The following PHKA1 variants were observed in gnomAD, a reference collection of about 807,000 sequenced individuals.
PHKA1 encodes phosphorylase kinase regulatory subunit alpha 1.
A neutral mutation model predicts 110.2 loss-of-function variants in PHKA1; 60 were observed. The ratio of observed to expected loss-of-function variants is 0.54; its 90% confidence interval spans 0.44 to 0.68. The LOEUF (loss-of-function observed/expected upper bound fraction) is 0.68, where lower values mean the gene tolerates loss of function less well. Among genes scored for constraint, PHKA1 ranks in the 30% least tolerant of loss-of-function variants. The probability of loss-of-function intolerance (pLI) is 0.00; values close to 1 mark genes in which losing one functional copy is unlikely to be tolerated. For synonymous variants in PHKA1, 316 were observed against 333.6 expected, an observed-to-expected ratio of 0.95 and a Z score of 0.58; for missense variants, 801 against 942.5, an observed-to-expected ratio of 0.85 and a Z score of 1.97.
chrX:72,609,179 T>C (rs972029707), intron 23 of PHKA1, among the ~76,000 whole-genome samples: 2 of 111,962 alleles, frequency 1.8e-5, no homozygotes, highest in Admixed American at 1.9e-4. Context: ...GGCACTCTGA[T>C]TACAGGGTTC....
At chrX:72,594,281 A>T (rs2052561894) in intron 28 of PHKA1, among the ~76,000 whole-genome samples, 1 of 109,087 alleles carries the variant, frequency 9.2e-6, no homozygotes. Flanking sequence ...GAAAGCAAGC[A>T]GAAGGAAGGA....
intron 3 of PHKA1, among the ~76,000 whole-genome samples, chrX:72,701,853 G>A (rs2054209513): frequency 8.9e-6 from 1 of 112,068 alleles, no homozygotes; most frequent in Admixed American, 9.5e-5. Context: ...AAGCAAACCA[G>A]TCCTACCATG....
chrX:72,648,439 G>A (rs1556297800), intron 13 of PHKA1, among the ~76,000 whole-genome samples: 1 of 111,400 alleles, frequency 9.0e-6, no homozygotes, highest in Non-Finnish European at 1.9e-5. Flanking sequence ...AAACAGAGAA[G>A]GTGTGGAATA....
At chrX:72,586,183 C>T (rs1299110854) in intron 29 of PHKA1, among the ~76,000 whole-genome samples, 1 of 111,752 alleles carries the variant, frequency 8.9e-6, no homozygotes. Context: ...GGCTGAATGA[C>T]ACCACATACA....
intron 14 of PHKA1, among the ~76,000 whole-genome samples, chrX:72,643,466 C>T (rs1008865756): frequency 3.6e-5 from 4 of 111,696 alleles, no homozygotes; most frequent in Non-Finnish European, 7.5e-5. Context: ...CATCATGAGT[C>T]CAAAATGAGC....
chrX:72,604,791 C>T (rs1486233404), intron 25 of PHKA1, among the ~76,000 whole-genome samples: 1 of 111,721 alleles, frequency 9.0e-6, no homozygotes, highest in Non-Finnish European at 1.9e-5. Context: ...TTGCCAAATA[C>T]ACCTATAGTT....
At chrX:72,708,649 G>A (rs1343252587) in intron 2 of PHKA1, among the ~76,000 whole-genome samples, 1 of 111,888 alleles carries the variant, frequency 8.9e-6, no homozygotes, top group Admixed American at 9.5e-5. Flanking sequence ...GAAATTATAT[G>A]AATCAACAGA....
chrX:72,620,610 G>A lies in PHKA1; in HGVS notation c.2137+115C>T, dbSNP rs1016690101. On this transcript the variant is annotated intron_variant, in intron 19 of 31. Transcript: ENST00000373542. ...TTCTAGGTGCTGTCTGAGATGCGGG[G>A]GATAAAGCAGTGAAGAAAACTAAAG... 1.6e-5 allele frequency: 9 copies of A among 556,581 alleles called. No homozygotes were observed. In the African/African-American group the frequency reaches 1.8e-4, roughly 11 times the overall value. The allele number at this position is 556,581 out of a possible 1,213,427, so 45.9% of individuals were successfully genotyped here.
chrX:72,636,115 T>C (rs2053226875), intron 15 of PHKA1, among the ~76,000 whole-genome samples, 162 bp downstream of exon 15: 1 of 111,770 alleles, frequency 8.9e-6, no homozygotes, highest in Admixed American at 9.5e-5. Flanking sequence ...GTGCTGGAAG[T>C]TCAATTCAGT....
chrX:72,644,705 A>G (rs782211489), intron 13 of PHKA1, among the ~76,000 whole-genome samples: 12 of 112,242 alleles, frequency 1.1e-4, no homozygotes, highest in Admixed American at 7.5e-4. Flanking sequence ...AGACTAGAGC[A>G]TTAGATTTTG....
chrX:72,665,294 A>G (rs2053605126), intron 8 of PHKA1, among the ~76,000 whole-genome samples: 1 of 111,941 alleles, frequency 8.9e-6, no homozygotes. Flanking sequence ...AACTCTAGAG[A>G]AAACAGATAC....
chrX:72,695,962 T>C (rs2054103541), intron 3 of PHKA1, 86 bp from the exon 4 acceptor site: 2 of 769,032 alleles, frequency 2.6e-6, no homozygotes, highest in East Asian at 3.2e-5. Context: ...ACATACATTA[T>C]TGCAATGTGA....
At chrX:72,583,418 T>G (rs782727345) in intron 30 of PHKA1, among the ~76,000 whole-genome samples, 1 of 112,221 alleles carries the variant, frequency 8.9e-6, no homozygotes, top group East Asian at 2.8e-4. Context: ...ATTAATTATA[T>G]GAACATTTCA....
chrX:72,683,175 T>C (rs936727935), intron 5 of PHKA1, among the ~76,000 whole-genome samples: 1 of 112,258 alleles, frequency 8.9e-6, no homozygotes, highest in Non-Finnish European at 1.9e-5. Context: ...TGGTGGCTCA[T>C]GCCTGTAATC....
intron 18 of PHKA1, among the ~76,000 whole-genome samples, chrX:72,621,366 G>T (rs1556277522): frequency 9.0e-6 from 1 of 111,473 alleles, no homozygotes; most frequent in East Asian, 2.8e-4. Flanking sequence ...ATATTTGTTG[G>T]CTGCTATGTA....
At chrX:72,587,980 A>C (rs1377551966) in intron 29 of PHKA1, among the ~76,000 whole-genome samples, 1 of 111,490 alleles carries the variant, frequency 9.0e-6, no homozygotes, top group Non-Finnish European at 1.9e-5. Context: ...ACACAATAAT[A>C]ATGGCAGACT....
At chrX:72,626,137 G>A (rs1417374830) in intron 17 of PHKA1, among the ~76,000 whole-genome samples, 1 of 108,466 alleles carries the variant, frequency 9.2e-6, no homozygotes, top group African/African-American at 3.4e-5. Flanking sequence ...GTGTGTATAT[G>A]CATATGTATG....
chrX:72,625,987 C>A (rs1167010320), intron 17 of PHKA1, among the ~76,000 whole-genome samples: 1 of 110,876 alleles, frequency 9.0e-6, no homozygotes, highest in Non-Finnish European at 1.9e-5. Flanking sequence ...CTAGACAAAA[C>A]AAAGAAAACT....
chrX:72,595,899 A>G (rs1398046405), intron 28 of PHKA1, among the ~76,000 whole-genome samples: 1 of 112,086 alleles, frequency 8.9e-6, no homozygotes, highest in Non-Finnish European at 1.9e-5. Context: ...TTCCTCAAAA[A>G]TTAAAAATAG....
Sources: gnomAD v4.1 joint callset for allele counts (sites outside exome capture counted in the v4.1 genomes callset) on GRCh38, gnomAD v4.1.1 for gene constraint, MANE v1.5 for transcripts, NCBI Gene and HGNC (gene_info 2026-07-23, HGNC 2026-07-21) for gene names.